Variants in KLHL22 observed in about 807,000 individuals in gnomAD.
KLHL22 encodes the protein kelch-like protein 22.
Under a neutral mutation model 60.7 loss-of-function variants are expected in KLHL22, and 18 were observed. The observed-to-expected ratio is 0.30, with a 90% CI of 0.20 to 0.44. The LOEUF (loss-of-function observed/expected upper bound fraction) is 0.44. KLHL22 is among the 20% of genes least tolerant of loss of function. KLHL22 has a pLI of 1.00. For synonymous variants in KLHL22, 355 were observed against 354.5 expected (o/e 1.00, Z -0.01); for missense variants, 596 against 852.3 (o/e 0.70, Z 3.74).
chr22:20,479,265 T>TA (rs201980940), intron 2 of KLHL22, among the ~76,000 whole-genome samples: 7 of 151,454 alleles, frequency 4.6e-5, no homozygotes, highest in African/African-American at 1.5e-4. Context: ...AAAAATATAT[T>TA]AAAAAAAAAT....
In KLHL22 at chr22:20,442,417, A is replaced by G; in HGVS notation, c.1561T>C (p.Ser521Pro). The part of the protein sequence containing the change: ...VHQVACYSCT[S>P]GQWSSVCPLP... ...GGGCAGACAGATGACCACTGTCCAG[A>G]CGTGCAGCTGTAGCAGGCCACCTGC... The change falls in exon 7 of 7, where the codon TCT (serine) becomes CCT (proline). Residue 521 changes from serine (S) to proline (P), a missense_variant. Physicochemically the swap from Ser to Pro is moderately conservative, Grantham distance 74 (BLOSUM62 -1). Transcript: ENST00000328879. 6.2e-7 allele frequency: 1 copy of G among 1,601,930 alleles called. No individual in the cohort carries two copies. The highest frequency in any genetic ancestry group is 8.5e-7 in the Non-Finnish European group (1 of 1,172,248).
intron 3 of KLHL22, among the ~76,000 whole-genome samples, chr22:20,467,889 A>G (rs1308115070): frequency 6.6e-6 from 1 of 152,160 alleles, no homozygotes; most frequent in Admixed American, 6.5e-5. Context: ...CGATCTCCTG[A>G]CCTCGTGATC....
intron 5 of KLHL22, chr22:20,450,617 A>AGCATGAAGAGTTCATTCTTCT (rs1403642163): frequency 6.3e-7 from 1 of 1,594,754 alleles, no homozygotes; most frequent in Non-Finnish European, 8.6e-7. Flanking sequence ...GAAGTGGTAC[A>AGCATGAAGAGTTCATTCTTCT]GCATGAAGAG....
rs1448607502 is a variant in KLHL22, at chr22:20,451,706, G to C, written c.1306-5030C>G. On this transcript the variant is annotated intron_variant, in intron 5 of 6. Coordinates refer to ENST00000328879, the MANE Select transcript of KLHL22 (RefSeq NM_032775.4). ...CTCTATGCAATTGCAGGATATGAAG[G>C]TAAGTCCCTGCTAAGTAGCATTGAA... 3.8e-6 allele frequency: 6 copies of C among 1,581,618 alleles called. No individual in the cohort carries two copies. In the East Asian group the frequency reaches 1.3e-4, roughly 35 times the overall value.
chr22:20,441,966 CAG>C lies in KLHL22; in HGVS notation c.*105_*106del, dbSNP rs896746617. 9.2e-6 allele frequency: 11 copies of C among 1,202,186 alleles called. No homozygotes were observed. The African/African-American group carries it at 1.6e-4, about 17-fold the overall frequency. The allele number at this position is 1,202,186 out of a possible 1,614,324, so 74.5% of individuals were successfully genotyped here. A position where few individuals can be genotyped will look rare whatever the true frequency, so the allele number is the denominator to read the frequency against. ...GGCAGGGCCCATAAGCTGTGGCCAA[CAG>C]GGGCAGGGGCCCTGCCTGGAGTAAA... On this transcript the variant is annotated 3_prime_UTR_variant, in exon 7 of 7. Transcript: ENST00000328879.
chr22:20,488,962 A>G (rs1207018865), intron 2 of KLHL22, 23 bp downstream of exon 2: 1 of 1,608,506 alleles, frequency 6.2e-7, no homozygotes, highest in African/African-American at 1.3e-5. Context: ...TATTCTTCTT[A>G]CAAACAGCTC....
At chr22:20,478,210 T>G (rs1011672049) in intron 2 of KLHL22, among the ~76,000 whole-genome samples, 137 of 150,798 alleles carry the variant, frequency 9.1e-4, no homozygotes, top group African/African-American at 3.2e-3. Flanking sequence ...ATTTAATTTT[T>G]TTTTTTTTTT....
At chr22:20,451,737 C>T in intron 5 of KLHL22, 3 of 1,568,704 alleles carry the variant, frequency 1.9e-6, no homozygotes, top group Non-Finnish European at 1.8e-6. Context: ...TTGAATGTTA[C>T]AACCCTATCA....
In KLHL22 at chr22:20,489,135, GTGT is replaced by G; in HGVS notation, c.74_76del (p.Asn25del). The G allele has an allele frequency of 6.2e-7, 1 of 1,614,182 alleles. No homozygotes were observed. The highest frequency in any genetic ancestry group is 8.5e-7 in the Non-Finnish European group (1 of 1,180,038). On this transcript the variant is annotated inframe_deletion, in exon 2 of 7. Coordinates refer to ENST00000328879, the MANE Select transcript of KLHL22 (RefSeq NM_032775.4). ...CTGGGAGTGCTGTGCGCTGCGGTAG[GTGT>G]TGTTCACGCAGTGTGGGTGTGAGGG... is the stretch of plus-strand genomic sequence containing the variant.
In KLHL22 at chr22:20,442,278, T is replaced by A; in HGVS notation, c.1700A>T (p.Asp567Val). ...GSRTGYVHIY[D>V]VEKDCWEEGP... ...TTCCTCCCAGCAGTCCTTCTCCACA[T>A]CGTAAATGTGCACGTAGCCTGTGCG... is the stretch of plus-strand genomic sequence containing the variant. The change falls in exon 7 of 7, where the codon GAT (aspartate) becomes GTT (valine). Residue 567 changes from aspartate (D) to valine (V), a missense_variant. Transcript: ENST00000328879. 6.2e-7 allele frequency: 1 copy of A among 1,613,886 alleles called. No homozygotes were observed. Among genetic ancestry groups the A allele is most frequent in the East Asian group, 2.2e-5 (1 of 44,874 alleles).
intron 5 of KLHL22, among the ~76,000 whole-genome samples, chr22:20,453,901 A>G (rs2053020838): frequency 6.6e-6 from 1 of 151,950 alleles, no homozygotes; most frequent in Admixed American, 6.6e-5. Flanking sequence ...CACCCAGCTA[A>G]TATTTGTATT....
chr22:20,444,783 GTT>G (rs2052828832), intron 6 of KLHL22, among the ~76,000 whole-genome samples: 1 of 151,538 alleles, frequency 6.6e-6, no homozygotes, highest in South Asian at 2.1e-4. Flanking sequence ...GCTCTTTTTT[GTT>G]TGTTTGTTTG....
At position 20,446,569 on chromosome 22, in the gene KLHL22, G is replaced by C; in HGVS notation, c.1413C>G (p.Asn471Lys). The C allele has an allele frequency of 6.2e-7, 1 of 1,613,974 alleles. No individual in the cohort carries two copies. Among genetic ancestry groups the C allele is most frequent in the Non-Finnish European group, 8.5e-7 (1 of 1,180,024 alleles). The stretch of plus-strand genomic sequence containing the variant: ...GCCCATCAGCCAGTGTGTGCCAAGT[G>C]TTGCTGCCTGGATCGTAGCAGTGTG... ...KETHCYDPGS[N>K]TWHTLADGPV... Residue 471 changes from asparagine to lysine, a missense_variant, in exon 6 of 7, where the codon AAC (asparagine) becomes AAG (lysine). Coordinates refer to ENST00000328879, the MANE Select transcript of KLHL22 (RefSeq NM_032775.4).
chr22:20,492,896 C>T (rs920418271), intron 1 of KLHL22, among the ~76,000 whole-genome samples: 1 of 152,122 alleles, frequency 6.6e-6, no homozygotes, highest in Non-Finnish European at 1.5e-5. Flanking sequence ...CCGGCCCAAA[C>T]CTGCCTATTT....
At chr22:20,458,184 A>G (rs1022302454) in intron 4 of KLHL22, among the ~76,000 whole-genome samples, 184 bp from the exon 5 acceptor site, 1 of 151,800 alleles carries the variant, frequency 6.6e-6, no homozygotes, top group African/African-American at 2.4e-5. Flanking sequence ...ACACCTGAGC[A>G]CAGGTGCTCC....
At chr22:20,473,573 T>C (rs892895530) in intron 2 of KLHL22, among the ~76,000 whole-genome samples, 1 of 152,186 alleles carries the variant, frequency 6.6e-6, no homozygotes, top group African/African-American at 2.4e-5. Flanking sequence ...TGCTACCAGA[T>C]TTAAAATACA....
At chr22:20,454,776 A>G (rs760069298) in intron 5 of KLHL22, among the ~76,000 whole-genome samples, 4 of 152,112 alleles carry the variant, frequency 2.6e-5, no homozygotes, top group African/African-American at 7.2e-5. Context: ...TACTCTTCCA[A>G]TCCATGGACT....
At position 20,464,958 on chromosome 22, in the gene KLHL22, G is replaced by C. The variant is rs1296684525; in HGVS notation, c.1012C>G (p.Arg338Gly). ...ACCGCGATGCCCTGGTTGGACATGC[G>C]GGGGGCCAGGGAGGCAGTGAAGTGC... ...WKHFTASLAP[R>G]MSNQGIAVLN... The change falls in exon 4 of 7, where the codon CGC becomes GGC. Residue 338 changes from arginine to glycine, a missense_variant. Coordinates refer to ENST00000328879, the MANE Select transcript of KLHL22 (RefSeq NM_032775.4). The C allele has an allele frequency of 2.5e-6, 4 of 1,606,878 alleles. No individual in the cohort carries two copies. The highest frequency in any genetic ancestry group is 2.7e-5 in the African/African-American group (2 of 74,772).
chr22:20,475,996 G>A (rs2053405976), intron 2 of KLHL22, among the ~76,000 whole-genome samples: 1 of 152,160 alleles, frequency 6.6e-6, no homozygotes, highest in Admixed American at 6.5e-5. Context: ...TTCTGTAATT[G>A]CCCCAAATAA....
Sources: allele counts gnomAD v4.1 joint callset (sites outside exome capture counted in the v4.1 genomes callset), GRCh38; gene constraint gnomAD v4.1.1; transcripts MANE v1.5; gene names NCBI Gene and HGNC (gene_info 2026-07-23, HGNC 2026-07-21).